DPF1: variants seen among roughly 807,000 people sequenced by gnomAD.
The protein encoded by DPF1 is zinc finger protein neuro-d4.
In DPF1, 14 loss-of-function variants were observed where a neutral mutation model predicts 58.7. That is an observed-to-expected ratio of 0.24 (90% confidence interval 0.16 to 0.37). The LOEUF (loss-of-function observed/expected upper bound fraction) is 0.37. Ranked by LOEUF, DPF1 falls within the 10% of genes least tolerant of loss-of-function variation. The probability of loss-of-function intolerance (pLI) is 1.00; values close to 1 mark genes in which losing one functional copy is unlikely to be tolerated. For synonymous variants in DPF1, 216 were observed against 216.0 expected, an observed-to-expected ratio of 1.00 and a Z score of 0.00; for missense variants, 345 against 529.9, an observed-to-expected ratio of 0.65 and a Z score of 3.43.
At chr19:38,223,087 C>CA (rs1253935321) in intron 1 of DPF1, 1 of 232,986 alleles carries the variant, frequency 4.3e-6, no homozygotes, top group Non-Finnish European at 8.3e-6. Flanking sequence ...ACAAACCTCA[C>CA]ACACGTGCAC....
At chr19:38,227,005 C>A (rs57702038), upstream of DPF1, among the ~76,000 whole-genome samples, 18 of 133,898 alleles carry the variant, frequency 1.3e-4, no homozygotes, top group African/African-American at 4.9e-4. Context: ...TTCCTTCCTT[C>A]CTTCCTTCCT....
At chr19:38,216,592 T>A (rs1967039592) in intron 7 of DPF1, 189 bp from the exon 8 acceptor site, 2 of 590,892 alleles carry the variant, frequency 3.4e-6, no homozygotes, top group Non-Finnish European at 2.6e-6. Context: ...CTTTTTAAAT[T>A]TTTTTTTCAA....
chr19:38,212,909 G>A lies in DPF1; in HGVS notation c.1012-548C>T, dbSNP rs532700892. Among the ~76,000 whole-genome samples, 13 of 149,246 alleles carry A rather than the reference G, an allele frequency of 8.7e-5. No homozygotes were observed. In the South Asian group the frequency reaches 2.4e-3, roughly 27 times the overall value. On this transcript the variant is annotated intron_variant, in intron 10 of 11. Transcript: ENST00000355526. The stretch of plus-strand genomic sequence containing the variant: ...ATTACACAGGTGGGCCACCGCTCCC[G>A]GTCTGTGGGAAGTTTAAATGACACC...
In DPF1 at chr19:38,213,653, G is replaced by A. The variant is rs528511141; in HGVS notation, c.1002C>T (p.Ser334=). ...GGCGGGCGGCACTCACGTCGTTCTCGGAGGTTCCGCACAGGCTGCAGGATT... is the reference window on the plus strand; with the variant it reads ...GGCGGGCGGCACTCACGTCGTTCTCAGAGGTTCCGCACAGGCTGCAGGATT... ...ECKSCSLCGT[S]ENDDQLLFCD... The change falls in exon 10 of 12, where the codon TCC becomes TCT. Residue 334 remains serine (S), a synonymous_variant. Coordinates refer to ENST00000355526, the MANE Select transcript of DPF1 (RefSeq NM_001135155.3). 6.8e-6 allele frequency: 11 copies of A among 1,613,054 alleles called. No homozygotes were observed. Among genetic ancestry groups the A allele is most frequent in the South Asian group, 5.5e-5 (5 of 91,060 alleles).
intron 1 of DPF1, chr19:38,223,047 CA>C (rs1158085104): frequency 3.1e-6 from 1 of 322,904 alleles, no homozygotes; most frequent in Non-Finnish European, 5.7e-6. Flanking sequence ...CAAAGAGAGA[CA>C]AATCCCAATA....
At chr19:38,223,168 A>T (rs1476803034) in intron 1 of DPF1, 2 of 162,704 alleles carry the variant, frequency 1.2e-5, no homozygotes, top group Non-Finnish European at 2.7e-5. Context: ...ACAAATAACC[A>T]TGCACAAAGA....
chr19:38,216,378 G>A lies in DPF1; in HGVS notation c.753C>T (p.Val251=). Residue 251 remains valine, a synonymous_variant, in exon 8 of 12, where the codon GTC becomes GTT. Transcript: ENST00000355526. ...HKQFYKELAW[V]PEAQRKHTAK... Reference sequence around the variant, plus strand: ...CTGTGTGTTTCCTTTGTGCCTCAGGGACCCAGGCCAATTCTTTGTAAAACT... The same window carrying A: ...CTGTGTGTTTCCTTTGTGCCTCAGGAACCCAGGCCAATTCTTTGTAAAACT... 6.3e-7 allele frequency: 1 copy of A among 1,597,270 alleles called. No homozygotes were observed. Among genetic ancestry groups the A allele is most frequent in the East Asian group, 2.2e-5 (1 of 44,662 alleles).
intron 11 of DPF1, 68 bp from the exon 12 acceptor site, chr19:38,212,201 C>T: frequency 1.3e-6 from 2 of 1,553,878 alleles, no homozygotes; most frequent in Non-Finnish European, 1.7e-6. Flanking sequence ...CTTCCCACCC[C>T]GAGGACACAC....
intron 4 of DPF1, 117 bp from the exon 5 acceptor site, chr19:38,218,779 A>G (rs548456335): frequency 1.3e-6 from 2 of 1,532,388 alleles, no homozygotes; most frequent in East Asian, 4.5e-5. Flanking sequence ...GTTCTTCCAA[A>G]TAGAGATGAA....
At position 38,216,947 on chromosome 19, in the gene DPF1, A is replaced by G. The variant is rs550298374; in HGVS notation, c.727+513T>C. Reference sequence around the variant, plus strand: ...ACAGACACTCGGAAGAAAAACTCCGAACACTGAGGTGCGTGGGTGTGTAGT... The same window carrying G: ...ACAGACACTCGGAAGAAAAACTCCGGACACTGAGGTGCGTGGGTGTGTAGT... On this transcript the variant is annotated intron_variant, in intron 7 of 11. Transcript: ENST00000355526. Among the ~76,000 whole-genome samples, 31 of 152,304 alleles carry G rather than the reference A, an allele frequency of 2.0e-4. No homozygotes were observed. In the South Asian group the frequency reaches 6.4e-3, roughly 32 times the overall value.
At chr19:38,221,414 T>A (rs766235538) in intron 3 of DPF1, among the ~76,000 whole-genome samples, 4 of 151,714 alleles carry the variant, frequency 2.6e-5, no homozygotes, top group African/African-American at 4.8e-5. Flanking sequence ...TCAGTGTGCA[T>A]CTGTAATCCC....
chr19:38,225,382 C>G (rs1967773185), upstream of DPF1, among the ~76,000 whole-genome samples: 1 of 152,078 alleles, frequency 6.6e-6, no homozygotes, highest in South Asian at 2.1e-4. Context: ...ACCTGGGCAA[C>G]ATATCCAGAC....
At position 38,222,131 on chromosome 19, in the gene DPF1, A is replaced by C. The variant is rs1033713997; in HGVS notation, c.298+226T>G. ...AATAAATAAATAAATAAATAAATAA[A>C]TAACAACAACTGGGCACCTGGGCCC... is the stretch of plus-strand genomic sequence containing the variant. On this transcript the variant is annotated intron_variant, in intron 3 of 11. Coordinates refer to ENST00000355526, the MANE Select transcript of DPF1 (RefSeq NM_001135155.3). This position sits in a 1 kb window ranked among gnomAD's most constrained non-coding sequence, Gnocchi z 4.9. Among the ~76,000 whole-genome samples, 8 of 148,046 alleles carry C rather than the reference A, an allele frequency of 5.4e-5. No homozygotes were observed. The highest frequency in any genetic ancestry group is 1.3e-4 in the Admixed American group (2 of 14,874).
chr19:38,216,549 G>A (rs1967035298), intron 7 of DPF1, 146 bp from the exon 8 acceptor site: 1 of 950,540 alleles, frequency 1.1e-6, no homozygotes. Context: ...GGGGAGAGGT[G>A]AAAACAGTTC....
rs148936397 is a variant in DPF1 at position 38,216,186 on chromosome 19, C to T, written c.852G>A (p.Thr284=). The T allele has an allele frequency of 2.0e-5, 33 of 1,614,088 alleles. No individual in the cohort carries two copies. The highest frequency in any genetic ancestry group is 2.6e-5 in the Non-Finnish European group (31 of 1,180,012). The change falls in exon 9 of 12, where the codon ACG becomes ACA. Residue 284 remains threonine (T), a synonymous_variant. Transcript: ENST00000355526. The stretch of plus-strand genomic sequence containing the variant: ...AGGAGATGAGGTCCTCGGGACACCC[C>T]GTCTTCTTGGAGCCCCCCAGGCAGA... The part of the protein sequence containing the change: ...CDFCLGGSKK[T]GCPEDLISCA...
rs560420364 is a variant in DPF1, at chr19:38,224,043, G to A, written c.29+71C>T. The A allele has an allele frequency of 4.0e-5, 57 of 1,432,870 alleles. No homozygotes were observed. The highest frequency in any genetic ancestry group is 1.9e-5 in the Non-Finnish European group (21 of 1,099,070). 88.8% of individuals were successfully genotyped at this position (1,432,870 alleles called of 1,614,324 possible). On this transcript the variant is annotated intron_variant, in intron 1 of 11. Transcript: ENST00000355526. The surrounding 1 kb of genome is among the most constrained non-coding windows in gnomAD (Gnocchi z 4.5). ...AGACACCCCTTCGGCCCCACCCCCG[G>A]TCGCCACACACACACAGGCCCGCGT... is the stretch of plus-strand genomic sequence containing the variant.
rs764626423 is a variant in DPF1 at position 38,218,668 on chromosome 19, CA to C, written c.427-7del. ...AACTCCAGCAACTGCTGTTTCTGGG[CA>C]ATAGAGAAAGGAGACGGGTCAAGAA... On this transcript the variant is annotated splice_region_variant and splice_polypyrimidine_tract_variant and intron_variant, in intron 4 of 11. Coordinates refer to ENST00000355526, the MANE Select transcript of DPF1 (RefSeq NM_001135155.3). 19 of 1,614,138 alleles carry C rather than the reference CA, an allele frequency of 1.2e-5. No individual in the cohort carries two copies. In the South Asian group the frequency reaches 2.0e-4, roughly 17 times the overall value.
In DPF1 at chr19:38,218,610, T is replaced by C. The variant is rs375239664; in HGVS notation, c.479A>G (p.Asp160Gly). 7 of 1,614,012 alleles carry C rather than the reference T, an allele frequency of 4.3e-6. No individual in the cohort carries two copies. Among genetic ancestry groups the C allele is most frequent in the South Asian group, 1.1e-5 (1 of 91,082 alleles). The change falls in exon 5 of 12, where the codon GAT (aspartate) becomes GGT (glycine). Residue 160 changes from aspartate (D) to glycine (G), a missense_variant. Transcript: ENST00000355526. ...CCTGTTCTTCCTCCTGGGAATGTCA[T>C]CCTCCAAGTCTTCCACCTCGAGGTC... is the stretch of plus-strand genomic sequence containing the variant. ...PHDLEVEDLE[D>G]DIPRRKNRAK...
upstream of DPF1, among the ~76,000 whole-genome samples, chr19:38,227,626 G>A (rs1042110742): frequency 7.9e-5 from 12 of 152,134 alleles, no homozygotes. Flanking sequence ...CACTACATTT[G>A]GTCAGTGTCA....
Sources: allele counts gnomAD v4.1 joint callset (sites outside exome capture counted in the v4.1 genomes callset), GRCh38; gene constraint gnomAD v4.1.1; non-coding constraint Gnocchi (gnomAD v3.1); transcripts MANE v1.5; gene names NCBI Gene and HGNC (gene_info 2026-07-23, HGNC 2026-07-21).